Variants in ALAS1 observed in about 807,000 individuals in gnomAD.
ALAS1 encodes the protein 5-aminolevulinate synthase, non-specific, mitochondrial.
A neutral mutation model predicts 59.6 loss-of-function variants in ALAS1; 29 were observed. That is an observed-to-expected ratio of 0.49 (90% CI 0.36 to 0.66). The LOEUF (loss-of-function observed/expected upper bound fraction) is 0.66, where lower values mean the gene tolerates loss of function less well. Ranked by LOEUF, ALAS1 falls within the 30% of genes least tolerant of loss-of-function variation. ALAS1 has a pLI of 0.00. For missense variants in ALAS1, 690 were observed against 807.5 expected, an observed-to-expected ratio of 0.85 and a Z score of 1.76; for synonymous variants, 299 against 296.6, an observed-to-expected ratio of 1.01 and a Z score of -0.08.
chr3:52,206,567 C>T lies in ALAS1; in HGVS notation c.986-5C>T. On this transcript the variant is annotated splice_polypyrimidine_tract_variant and splice_region_variant and intron_variant, in intron 7 of 11. Coordinates refer to ENST00000484952, the MANE Select transcript of ALAS1 (RefSeq NM_000688.6). ...TGGCAATAAATAGCATTTTTGTTGTCTTAGGCTGTGAGATTTACTCTGATT... is the reference window on the plus strand; with the variant it reads ...TGGCAATAAATAGCATTTTTGTTGTTTTAGGCTGTGAGATTTACTCTGATT... The T allele has an allele frequency of 2.5e-6, 4 of 1,613,938 alleles. No homozygotes were observed. The highest frequency in any genetic ancestry group is 3.4e-6 in the Non-Finnish European group (4 of 1,179,888).
chr3:52,208,608 G>A (rs989872120), intron 9 of ALAS1, among the ~76,000 whole-genome samples: 3 of 152,206 alleles, frequency 2.0e-5, no homozygotes, highest in African/African-American at 7.2e-5. Context: ...CACTTGTTAG[G>A]TTCAGGTGTT....
At chr3:52,209,764 C>G (rs1317151833) in intron 9 of ALAS1, among the ~76,000 whole-genome samples, 1 of 152,194 alleles carries the variant, frequency 6.6e-6, no homozygotes. Context: ...TCTGCAGCCT[C>G]CACCTCCTGG....
intron 3 of ALAS1, among the ~76,000 whole-genome samples, chr3:52,200,290 A>C (rs1264705757): frequency 1.3e-5 from 2 of 151,896 alleles, no homozygotes; most frequent in African/African-American, 4.8e-5. Context: ...CATCTTCCCA[A>C]ACTGAAATTC....
chr3:52,198,626 G>T (rs1699119794), intron 1 of ALAS1, 46 bp from the exon 2 acceptor site: 1 of 624,626 alleles, frequency 1.6e-6, no homozygotes, highest in Non-Finnish European at 2.8e-6. Flanking sequence ...GGCCCAAGGC[G>T]CTGGCCCTCA....
In ALAS1 at chr3:52,206,731, A is replaced by G; in HGVS notation, c.1145A>G (p.Glu382Gly). 6.2e-7 allele frequency: 1 copy of G among 1,614,208 alleles called. No individual in the cohort carries two copies. The highest frequency in any genetic ancestry group is 8.5e-7 in the Non-Finnish European group (1 of 1,180,036). ...DPSVPKIVAFETVHSMDGAVC... is the reference protein window; with the variant it reads ...DPSVPKIVAFGTVHSMDGAVC... The stretch of plus-strand genomic sequence containing the variant: ...TCAGTCCCCAAGATTGTGGCATTTG[A>G]AACTGTCCATTCAATGGATGGTAAG... Residue 382 changes from glutamate to glycine, a missense_variant, in exon 8 of 12, where the codon GAA becomes GGA. Transcript: ENST00000484952.
rs1286209008 is a variant in ALAS1, at chr3:52,206,848, T to A, written c.1165+97T>A. On this transcript the variant is annotated intron_variant, in intron 8 of 11. Transcript: ENST00000484952. Reference sequence around the variant, plus strand: ...TTTTGTTGTGTTTTTTAATTTTTTTTTTTTGTGACCGATCCTCGCTCTGTT... The same window carrying A: ...TTTTGTTGTGTTTTTTAATTTTTTTATTTTGTGACCGATCCTCGCTCTGTT... 1.1e-5 allele frequency: 15 copies of A among 1,384,022 alleles called. No individual in the cohort carries two copies. In the East Asian group the frequency reaches 3.5e-4, roughly 32 times the overall value. The allele number at this position is 1,384,022 out of a possible 1,614,324, so 85.7% of individuals were successfully genotyped here. A position where few individuals can be genotyped will look rare whatever the true frequency, so the allele number is the denominator to read the frequency against.
rs779110321 is a variant in ALAS1 at position 52,199,417 on chromosome 3, A to G, written c.176A>G (p.Lys59Arg). 1.9e-6 allele frequency: 3 copies of G among 1,614,112 alleles called. No individual in the cohort carries two copies. The highest frequency in any genetic ancestry group is 4.5e-5 in the East Asian group (2 of 44,882). The change falls in exon 3 of 12, where the codon AAA (lysine) becomes AGA (arginine). Residue 59 changes from lysine (K) to arginine (R), a missense_variant. Coordinates refer to ENST00000484952, the MANE Select transcript of ALAS1 (RefSeq NM_000688.6). ...STAAVHYQQI[K>R]ETPPASEKDK... The stretch of plus-strand genomic sequence containing the variant: ...GCAGCAGTACACTACCAACAGATCA[A>G]AGAAACCCCTCCGGCCAGTGAGAGT...
intron 6 of ALAS1, 124 bp downstream of exon 6, chr3:52,205,039 A>G: frequency 1.3e-6 from 1 of 780,000 alleles, no homozygotes; most frequent in Non-Finnish European, 2.1e-6. Context: ...GCAAAATACT[A>G]TTCTTAGCTT....
chr3:52,206,445 C>T (rs1699292736), intron 7 of ALAS1, 127 bp from the exon 8 acceptor site: 1 of 1,078,878 alleles, frequency 9.3e-7, no homozygotes, highest in Non-Finnish European at 1.4e-6. Flanking sequence ...AAGAAACTGG[C>T]ACACAGTGTC....
intron 8 of ALAS1, among the ~76,000 whole-genome samples, chr3:52,207,866 C>G (rs192640522): frequency 6.6e-6 from 1 of 152,256 alleles, no homozygotes; most frequent in African/African-American, 2.4e-5. Context: ...AATTGGTGGA[C>G]TTTTTTCTAA....
intron 11 of ALAS1, 149 bp from the exon 12 acceptor site, chr3:52,213,871 C>A: frequency 1.5e-6 from 1 of 689,256 alleles, no homozygotes; most frequent in Non-Finnish European, 2.4e-6. Flanking sequence ...GTTTATCCGT[C>A]TATTGGTGGA....
chr3:52,203,267 C>G (rs1311202742), intron 4 of ALAS1, among the ~76,000 whole-genome samples: 1 of 152,064 alleles, frequency 6.6e-6, no homozygotes, highest in Non-Finnish European at 1.5e-5. Flanking sequence ...AGGACCAGGC[C>G]CAGTGGCTCA....
Position 52,212,434 on chromosome 3 carries a change from G to A in ALAS1, c.1762+14G>A. 2 of 1,613,694 alleles carry A rather than the reference G, an allele frequency of 1.2e-6. No individual in the cohort carries two copies. The highest frequency in any genetic ancestry group is 1.7e-6 in the Non-Finnish European group (2 of 1,179,930). On this transcript the variant is annotated intron_variant, in intron 11 of 11. Coordinates refer to ENST00000484952, the MANE Select transcript of ALAS1 (RefSeq NM_000688.6). ...ACTACTTCCTTGGTGAGTACCTGGG[G>A]AGCTGCTGGTGCCTCACTGAGGAGT...
chr3:52,204,030 T>C lies in ALAS1; in HGVS notation c.577+18T>C. The stretch of plus-strand genomic sequence containing the variant: ...GCCAAAATGTAAGTCTCATTGTTAT[T>C]TGCCTGATGTAGAAAAGAATTTATA... On this transcript the variant is annotated intron_variant, in intron 5 of 11. Coordinates refer to ENST00000484952, the MANE Select transcript of ALAS1 (RefSeq NM_000688.6). 6.3e-7 allele frequency: 1 copy of C among 1,585,464 alleles called. No individual in the cohort carries two copies.
At chr3:52,203,439 G>A (rs1334643933) in intron 4 of ALAS1, among the ~76,000 whole-genome samples, 1 of 152,092 alleles carries the variant, frequency 6.6e-6, no homozygotes, top group Non-Finnish European at 1.5e-5. Context: ...TTCTCAGGAG[G>A]TTGAGGAGGG....
chr3:52,206,139 T>A (rs1396823858), intron 7 of ALAS1, 116 bp downstream of exon 7: 2 of 1,001,822 alleles, frequency 2.0e-6, no homozygotes, highest in Admixed American at 5.8e-5. Context: ...TAATCCTATC[T>A]GGGCATTTGT....
chr3:52,210,721 GAGAGCTAT>G (rs1699387066), intron 9 of ALAS1, among the ~76,000 whole-genome samples: 1 of 152,134 alleles, frequency 6.6e-6, no homozygotes, highest in Non-Finnish European at 1.5e-5. Context: ...TGAGGCTGCA[GAGAGCTAT>G]GATCATGCCA....
chr3:52,212,609 G>GC, intron 11 of ALAS1, 189 bp downstream of exon 11: 1 of 637,678 alleles, frequency 1.6e-6, no homozygotes, highest in Non-Finnish European at 2.7e-6. Context: ...TCGGCTCACC[G>GC]CAACCCCTGC....
intron 3 of ALAS1, among the ~76,000 whole-genome samples, chr3:52,201,221 A>T (rs1198020672): frequency 6.6e-6 from 1 of 152,226 alleles, no homozygotes; most frequent in African/African-American, 2.4e-5. Flanking sequence ...TCAAGGGGAG[A>T]GGGAAGTCAC....
Sources: allele counts gnomAD v4.1 joint callset (sites outside exome capture counted in the v4.1 genomes callset), GRCh38; gene constraint gnomAD v4.1.1; transcripts MANE v1.5; gene names NCBI Gene and HGNC (gene_info 2026-07-23, HGNC 2026-07-21).